Variants in CDK14 observed in about 807,000 individuals in gnomAD.
CDK14 encodes cyclin dependent kinase 14, also known as cyclin-dependent kinase 14.
In CDK14, 34 loss-of-function variants were observed where a neutral mutation model predicts 60.7. The ratio of observed to expected loss-of-function variants is 0.56; its 90% CI spans 0.43 to 0.75. The LOEUF is 0.75. CDK14 is among the 30% of genes least tolerant of loss of function. The pLI is 0.00. For missense variants in CDK14, 482 were observed against 564.1 expected, an observed-to-expected ratio of 0.85 and a Z score of 1.47; for synonymous variants, 197 against 203.7, an observed-to-expected ratio of 0.97 and a Z score of 0.28.
At chr7:91,199,603 G>T (rs1802654177) in intron 14 of CDK14, among the ~76,000 whole-genome samples, 1 of 152,178 alleles carries the variant, frequency 6.6e-6, no homozygotes, top group Non-Finnish European at 1.5e-5. Flanking sequence ...TTCAATAAAT[G>T]TTTGTTGATA....
At chr7:90,808,115 C>T (rs1471471987) in intron 5 of CDK14, among the ~76,000 whole-genome samples, 1 of 152,142 alleles carries the variant, frequency 6.6e-6, no homozygotes, top group South Asian at 2.1e-4. Context: ...ATACAGACAA[C>T]ACCACAAAGA....
Position 91,001,286 on chromosome 7 carries a change from T to C in CDK14, c.1041+17045T>C, listed in dbSNP as rs1795826591. 2.6e-5 allele frequency among the ~76,000 whole-genome samples: 4 copies of C among 152,308 alleles called. No homozygotes were observed. In the South Asian group the frequency reaches 6.2e-4, roughly 24 times the overall value. ...TAAGAATTTGAAGACATATTGATGC[T>C]GATAGCTTACCCCTAAGGTCTGTGT... is the stretch of plus-strand genomic sequence containing the variant. On this transcript the variant is annotated intron_variant, in intron 10 of 14. Transcript: ENST00000380050.
chr7:91,066,230 A>T (rs1332059344), intron 11 of CDK14, among the ~76,000 whole-genome samples: 1 of 152,200 alleles, frequency 6.6e-6, no homozygotes, highest in Non-Finnish European at 1.5e-5. Flanking sequence ...TTTTATATTG[A>T]TTTATAAACT....
rs780774665 is a variant in CDK14, at chr7:90,766,041, G to A, written c.464+18266G>A. On this transcript the variant is annotated intron_variant, in intron 4 of 14. Coordinates refer to ENST00000380050, the MANE Select transcript of CDK14 (RefSeq NM_001287135.2). ...GCTTCATCTCATTTAGGATCTAGAC[G>A]TATAAGAAAATTATCCTTCTTAAAT... Among the ~76,000 whole-genome samples the A allele has an allele frequency of 1.7e-4, 26 of 152,144 alleles. No homozygotes were observed. The Middle Eastern group carries it at 0.014, about 80-fold the overall frequency.
Position 90,691,576 on chromosome 7 carries a change from C to G in CDK14, c.124-34991C>G, listed in dbSNP as rs117572779. On this transcript the variant is annotated intron_variant, in intron 2 of 14. Coordinates refer to ENST00000380050, the MANE Select transcript of CDK14 (RefSeq NM_001287135.2). ...CCTTGTAGGCTGCTGTAAAATTGGC[C>G]TTTATTCTGAATGAGATGGGAAACC... Among the ~76,000 whole-genome samples the G allele has an allele frequency of 9.2e-5, 14 of 152,172 alleles. No individual in the cohort carries two copies. In the East Asian group the frequency reaches 2.1e-3, roughly 23 times the overall value.
chr7:90,874,738 C>T (rs1299829934), intron 6 of CDK14, among the ~76,000 whole-genome samples: 2 of 150,674 alleles, frequency 1.3e-5, no homozygotes, highest in Non-Finnish European at 3.0e-5. Context: ...CCTTGTTAGC[C>T]AGGATGGTCT....
At chr7:91,143,153 G>A (rs1170040363) in intron 14 of CDK14, among the ~76,000 whole-genome samples, 1 of 152,172 alleles carries the variant, frequency 6.6e-6, no homozygotes, top group Non-Finnish European at 1.5e-5. Context: ...TTATAGTCAG[G>A]GATGGGCTTC....
chr7:91,088,571 G>A (rs377607601), intron 12 of CDK14, among the ~76,000 whole-genome samples: 1 of 124,446 alleles, frequency 8.0e-6, no homozygotes, highest in Non-Finnish European at 1.7e-5. Flanking sequence ...TTATATATAT[G>A]TGTGTGTGTG....
chr7:91,182,240 G>T (rs1290644520), intron 14 of CDK14, among the ~76,000 whole-genome samples: 1 of 151,844 alleles, frequency 6.6e-6, no homozygotes, highest in South Asian at 2.1e-4. Flanking sequence ...GCAGTTCTTT[G>T]TTTTTACTAG....
intron 14 of CDK14, among the ~76,000 whole-genome samples, chr7:91,160,235 C>T (rs1412771652): frequency 2.0e-5 from 3 of 152,182 alleles, no homozygotes; most frequent in Non-Finnish European, 2.9e-5. Flanking sequence ...CCTGTGCCCT[C>T]GGCTCTGCCT....
At chr7:91,109,143 C>T (rs1361151989) in intron 12 of CDK14, among the ~76,000 whole-genome samples, 2 of 152,064 alleles carry the variant, frequency 1.3e-5, no homozygotes, top group Non-Finnish European at 2.9e-5. Context: ...TTCCCAACCT[C>T]TCTTGCAAAA....
At chr7:90,744,740 G>T (rs1298414589) in intron 3 of CDK14, among the ~76,000 whole-genome samples, 1 of 134,344 alleles carries the variant, frequency 7.4e-6, no homozygotes, top group Non-Finnish European at 1.6e-5. Context: ...CTCACCTCCC[G>T]GACGGGGCGG....
intron 2 of CDK14, among the ~76,000 whole-genome samples, chr7:90,664,040 T>C (rs1159910643): frequency 6.6e-6 from 1 of 152,032 alleles, no homozygotes; most frequent in Non-Finnish European, 1.5e-5. Flanking sequence ...TGCAACCTAC[T>C]CATCTGACAA....
intron 14 of CDK14, among the ~76,000 whole-genome samples, chr7:91,200,733 C>T (rs557177934): frequency 1.3e-4 from 20 of 152,108 alleles, no homozygotes; most frequent in Non-Finnish European, 2.8e-4. Context: ...CCAAGTAAGG[C>T]CCATTTTGAA....
chr7:90,887,648 A>G (rs78540356), intron 6 of CDK14, among the ~76,000 whole-genome samples: 118 of 152,342 alleles, frequency 7.7e-4, no homozygotes, highest in African/African-American at 2.8e-3. Context: ...GTAATCAGAT[A>G]TTCATGACCA....
At chr7:91,097,038 A>G (rs1387027322) in intron 12 of CDK14, among the ~76,000 whole-genome samples, 1 of 152,204 alleles carries the variant, frequency 6.6e-6, no homozygotes, top group Admixed American at 6.5e-5. Flanking sequence ...TATAACCTCA[A>G]AATGGACTTG....
At chr7:91,136,395 AC>A in intron 14 of CDK14, among the ~76,000 whole-genome samples, 1 of 152,196 alleles carries the variant, frequency 6.6e-6, no homozygotes, top group Non-Finnish European at 1.5e-5. Flanking sequence ...TTTGAGCGTT[AC>A]TGCCCATAAT....
At position 90,609,067 on chromosome 7, in the gene CDK14, T is replaced by C. The variant is rs777139747; in HGVS notation, c.123+4818T>C. ...TTTGAGACTTGGTGTCCCTTGGTCATCCAGTTTGGAGTACAGTGGTGCCAT... is the reference window on the plus strand; with the variant it reads ...TTTGAGACTTGGTGTCCCTTGGTCACCCAGTTTGGAGTACAGTGGTGCCAT... On this transcript the variant is annotated intron_variant, in intron 2 of 14. Coordinates refer to ENST00000380050, the MANE Select transcript of CDK14 (RefSeq NM_001287135.2). 1.5e-4 allele frequency among the ~76,000 whole-genome samples: 23 copies of C among 152,210 alleles called. No homozygotes were observed. In the Middle Eastern group the frequency reaches 0.014, roughly 90 times the overall value.
intron 5 of CDK14, among the ~76,000 whole-genome samples, chr7:90,791,865 C>A (rs1278911486): frequency 6.7e-6 from 1 of 150,000 alleles, no homozygotes; most frequent in African/African-American, 2.4e-5. Context: ...CTGACCTTTT[C>A]TCTGAGTTAG....
Sources: gnomAD v4.1 joint callset for allele counts (sites outside exome capture counted in the v4.1 genomes callset) on GRCh38, gnomAD v4.1.1 for gene constraint, MANE v1.5 for transcripts, NCBI Gene and HGNC (gene_info 2026-07-23, HGNC 2026-07-21) for gene names.